Variants in TMEM132D observed in about 807,000 individuals in gnomAD.
TMEM132D encodes the protein mature OL transmembrane protein.
A neutral mutation model predicts 62.3 loss-of-function variants in TMEM132D; 21 were observed. The observed-to-expected ratio is 0.34, with a 90% CI of 0.24 to 0.49. The LOEUF is 0.49. Among genes scored for constraint, TMEM132D ranks in the 20% least tolerant of loss-of-function variants. TMEM132D has a pLI of 0.99. For missense variants in TMEM132D, 1,346 were observed against 1,402.8 expected (o/e 0.96, Z 0.65); for synonymous variants, 621 against 575.6 (o/e 1.08, Z -1.13).
chr12:129,755,731 G>A (rs1261927501), intron 1 of TMEM132D, among the ~76,000 whole-genome samples: 1 of 152,166 alleles, frequency 6.6e-6, no homozygotes, highest in Non-Finnish European at 1.5e-5. Flanking sequence ...ACTTTAGAGA[G>A]CATACTCTGT....
At position 129,550,525 on chromosome 12, in the gene TMEM132D, C is replaced by T. The variant is rs184416002; in HGVS notation, c.969-19320G>A. ...ATCTTGGCACTTAGCAGCCCACATG[C>T]TCTAATGCGGTGATTTGTCAGAAGC... On this transcript the variant is annotated intron_variant, in intron 2 of 8. Coordinates refer to ENST00000422113, the MANE Select transcript of TMEM132D (RefSeq NM_133448.3). Among the ~76,000 whole-genome samples, 12 of 152,300 alleles carry T rather than the reference C, an allele frequency of 7.9e-5. No individual in the cohort carries two copies. The East Asian group carries it at 2.3e-3, about 29-fold the overall frequency.
chr12:129,195,393 T>C (rs1330322779), intron 5 of TMEM132D, among the ~76,000 whole-genome samples: 1 of 151,888 alleles, frequency 6.6e-6, no homozygotes, highest in South Asian at 2.1e-4. Flanking sequence ...GTAAGGAACA[T>C]AGCTTTCACT....
intron 4 of TMEM132D, among the ~76,000 whole-genome samples, chr12:129,293,240 G>T (rs1468765295): frequency 6.6e-6 from 1 of 152,186 alleles, no homozygotes; most frequent in Non-Finnish European, 1.5e-5. Flanking sequence ...AGTTCACCAT[G>T]TAGGTGGGGT....
chr12:129,415,207 C>T (rs1222745782), intron 3 of TMEM132D, among the ~76,000 whole-genome samples: 2 of 152,124 alleles, frequency 1.3e-5, no homozygotes, highest in East Asian at 1.9e-4. Flanking sequence ...ATTGTTGGAT[C>T]GTATGGTTGT....
intron 2 of TMEM132D, among the ~76,000 whole-genome samples, chr12:129,573,187 G>A (rs940104277): frequency 2.2e-4 from 34 of 152,256 alleles, no homozygotes; most frequent in South Asian, 1.5e-3. Flanking sequence ...GGGGCTCATC[G>A]GCCAGCTGTG....
chr12:129,299,861 C>T (rs1289810329), intron 4 of TMEM132D, among the ~76,000 whole-genome samples: 2 of 152,152 alleles, frequency 1.3e-5, no homozygotes, highest in African/African-American at 2.4e-5. Context: ...TTCAATGAAC[C>T]ATGCTGGACT....
At chr12:129,384,750 A>T (rs973110414) in intron 3 of TMEM132D, among the ~76,000 whole-genome samples, 1 of 152,170 alleles carries the variant, frequency 6.6e-6, no homozygotes, top group African/African-American at 2.4e-5. Flanking sequence ...TCTCCAGGTG[A>T]TGCGTTCACA....
chr12:129,299,447 C>A (rs1593328330), intron 4 of TMEM132D, among the ~76,000 whole-genome samples: 2 of 131,134 alleles, frequency 1.5e-5, no homozygotes, highest in Non-Finnish European at 3.3e-5. Flanking sequence ...TTGCCAATTG[C>A]AAGAAAAAAT....
intron 4 of TMEM132D, among the ~76,000 whole-genome samples, chr12:129,308,405 G>A (rs1881892469): frequency 6.6e-6 from 1 of 152,166 alleles, no homozygotes; most frequent in South Asian, 2.1e-4. Context: ...TGATGTGAAA[G>A]GAATCTAATT....
intron 5 of TMEM132D, among the ~76,000 whole-genome samples, chr12:129,135,486 G>T (rs115039666): frequency 0.012 from 1,808 of 152,266 alleles, 25 homozygotes; most frequent in African/African-American, 0.035. Context: ...TGATATCAAG[G>T]TTAGCAATCG....
At chr12:129,147,215 T>A (rs1876924957) in intron 5 of TMEM132D, among the ~76,000 whole-genome samples, 1 of 144,366 alleles carries the variant, frequency 6.9e-6, no homozygotes, top group Non-Finnish European at 1.5e-5. Context: ...TGTATACACA[T>A]ATACACATGT....
chr12:129,750,134 G>A (rs919245845), intron 1 of TMEM132D, among the ~76,000 whole-genome samples: 1 of 151,990 alleles, frequency 6.6e-6, no homozygotes, highest in Non-Finnish European at 1.5e-5. Context: ...CACCCAGCCT[G>A]GAGTGCAGTG....
chr12:129,150,081 G>T (rs904722190), intron 5 of TMEM132D, among the ~76,000 whole-genome samples: 4 of 152,374 alleles, frequency 2.6e-5, no homozygotes, highest in African/African-American at 4.8e-5. Context: ...CTGCAGAGAA[G>T]GGTCATCGTG....
At chr12:129,586,499 G>GTC (rs770613028) in intron 2 of TMEM132D, among the ~76,000 whole-genome samples, 30 of 152,318 alleles carry the variant, frequency 2.0e-4, no homozygotes, top group Non-Finnish European at 3.8e-4. Flanking sequence ...GAGCCTGTGA[G>GTC]TCTGAGATCA....
chr12:129,686,202 T>C (rs951057041), intron 2 of TMEM132D, among the ~76,000 whole-genome samples: 11 of 152,100 alleles, frequency 7.2e-5, no homozygotes, highest in African/African-American at 2.2e-4. Context: ...TGGAATGATA[T>C]GGTTTGGCTG....
intron 2 of TMEM132D, among the ~76,000 whole-genome samples, chr12:129,648,355 T>C (rs936545537): frequency 1.3e-5 from 2 of 152,146 alleles, no homozygotes; most frequent in African/African-American, 4.8e-5. Flanking sequence ...CCCTATTCCC[T>C]TGCCCCCTGC....
chr12:129,260,953 A>G (rs1880534776), intron 4 of TMEM132D, among the ~76,000 whole-genome samples: 1 of 152,154 alleles, frequency 6.6e-6, no homozygotes, highest in African/African-American at 2.4e-5. Context: ...TGCAATTGCA[A>G]AATGTGCTGT....
At chr12:129,620,198 T>A (rs1167370437) in intron 2 of TMEM132D, among the ~76,000 whole-genome samples, 1 of 152,194 alleles carries the variant, frequency 6.6e-6, no homozygotes, top group Non-Finnish European at 1.5e-5. Flanking sequence ...CCAAGCTCTG[T>A]CTCCTGGAGG....
intron 4 of TMEM132D, among the ~76,000 whole-genome samples, chr12:129,302,561 G>A (rs1232088214): frequency 1.3e-5 from 2 of 152,220 alleles, no homozygotes; most frequent in African/African-American, 2.4e-5. Flanking sequence ...TGGAGTCTGT[G>A]GGTCAGCTGG....
Sources: allele counts gnomAD v4.1 joint callset (sites outside exome capture counted in the v4.1 genomes callset), GRCh38; gene constraint gnomAD v4.1.1; transcripts MANE v1.5; gene names NCBI Gene and HGNC (gene_info 2026-07-23, HGNC 2026-07-21).